The following HHATL variants were observed in gnomAD, a reference collection of about 807,000 sequenced individuals.
The protein encoded by HHATL is protein-cysteine N-palmitoyltransferase HHAT-like protein.
In HHATL, 49 loss-of-function variants were observed where a neutral mutation model predicts 59.7. The ratio of observed to expected loss-of-function variants is 0.82; its 90% CI spans 0.65 to 1.04. The LOEUF (loss-of-function observed/expected upper bound fraction) is 1.04. Among genes scored for constraint, HHATL ranks in the 50% least tolerant of loss-of-function variants. The pLI is 0.00. For synonymous variants in HHATL, 238 were observed against 257.3 expected (o/e 0.93, Z 0.72); for missense variants, 605 against 650.8 (o/e 0.93, Z 0.77).
Position 42,698,875 on chromosome 3 carries a change from C to G in HHATL, c.316G>C (p.Gly106Arg). ...ATTGTGCCCATCACAGCCAAGGCCC[C>G]GTACACAGCATACATCCAGGAGCGG... is the stretch of plus-strand genomic sequence containing the variant. ...KLRSWMYAVY[G>R]ALAVMGTMGP... is the part of the protein sequence containing the mutation. Residue 106 changes from glycine (G) to arginine (R), a missense_variant, in exon 5 of 12, where the codon GGG (glycine) becomes CGG (arginine). Transcript: ENST00000441594. 1.2e-6 allele frequency: 2 copies of G among 1,610,366 alleles called. No homozygotes were observed. The highest frequency in any genetic ancestry group is 2.2e-5 in the South Asian group (2 of 90,428).
Position 42,700,746 on chromosome 3 carries a change from G to T in HHATL, c.81C>A (p.Gly27=). The T allele has an allele frequency of 6.2e-7, 1 of 1,613,612 alleles. No individual in the cohort carries two copies. Among genetic ancestry groups the T allele is most frequent in the Non-Finnish European group, 8.5e-7 (1 of 1,179,686 alleles). ...CTTGTGAAGCCTCAAGGAGGCCCCGGCCAGCATAGGCCAGGGCCCCACTCA... is the reference window on the plus strand; with the variant it reads ...CTTGTGAAGCCTCAAGGAGGCCCCGTCCAGCATAGGCCAGGGCCCCACTCA... ...LVLSGALAYA[G]RGLLEASQDG... The change falls in exon 2 of 12, where the codon GGC becomes GGA. Residue 27 remains glycine (G), a synonymous_variant. Coordinates refer to ENST00000441594, the MANE Select transcript of HHATL (RefSeq NM_020707.4).
rs750726872 is a variant in HHATL, at chr3:42,699,750, G to T, written c.174+8C>A. ...GATGGGAGGGACCCTGGGATGTGGG[G>T]GACCTACCATCTTCCGGCCAATGTA... On this transcript the variant is annotated splice_region_variant and intron_variant, in intron 3 of 11. Coordinates refer to ENST00000441594, the MANE Select transcript of HHATL (RefSeq NM_020707.4). 1.3e-6 allele frequency: 2 copies of T among 1,576,042 alleles called. No homozygotes were observed. Among genetic ancestry groups the T allele is most frequent in the Admixed American group, 1.8e-5 (1 of 55,358 alleles).
At position 42,702,053 on chromosome 3, in the gene HHATL, G is replaced by A. The variant is rs78953142; in HGVS notation, c.-14+526C>T. Among the ~76,000 whole-genome samples, 479 of 152,292 alleles carry A rather than the reference G, an allele frequency of 3.1e-3. 20 individuals are homozygous for A. In the East Asian group the frequency reaches 0.081, roughly 26 times the overall value. On this transcript the variant is annotated intron_variant, in intron 1 of 11. Coordinates refer to ENST00000441594, the MANE Select transcript of HHATL (RefSeq NM_020707.4). ...GCAGACCTGGGACAGACTTCTGCCT[G>A]CCTCCCTTCAGGATTGGGTTTCTCA...
At chr3:42,696,292 C>G (rs1467145569) in intron 9 of HHATL, among the ~76,000 whole-genome samples, 1 of 152,098 alleles carries the variant, frequency 6.6e-6, no homozygotes, top group South Asian at 2.1e-4. Flanking sequence ...CAGGCTGAAT[C>G]TCGGCCATCC....
At chr3:42,698,495 G>A (rs1456368590) in intron 5 of HHATL, 144 bp from the exon 6 acceptor site, 5 of 961,590 alleles carry the variant, frequency 5.2e-6, no homozygotes, top group Non-Finnish European at 7.7e-6. Context: ...TTTGGCCACT[G>A]CTCTATCCCA....
intron 3 of HHATL, 138 bp from the exon 4 acceptor site, chr3:42,699,283 A>G (rs1293949037): frequency 2.3e-6 from 1 of 441,608 alleles, no homozygotes; most frequent in East Asian, 3.6e-5. Flanking sequence ...TCATTTTTAA[A>G]TTTAATAATA....
chr3:42,693,245 G>T (rs1379905207), intron 10 of HHATL, 27 bp from the exon 11 acceptor site: 3 of 1,611,486 alleles, frequency 1.9e-6, no homozygotes, highest in Admixed American at 3.3e-5. Flanking sequence ...AGCATGGGCA[G>T]CGGGACAAGA....
Position 42,692,882 on chromosome 3 carries a change from G to A in HHATL, c.1391-7C>T, listed in dbSNP as rs918113373. The A allele has an allele frequency of 1.9e-6, 3 of 1,613,654 alleles. No individual in the cohort carries two copies. The highest frequency in any genetic ancestry group is 1.7e-5 in the Admixed American group (1 of 59,988). ...AGCGTGGTCTGGGGGAACCCTGTGTGGGGAGGGAGTCATAGATGCTCAGGA... is the reference window on the plus strand; with the variant it reads ...AGCGTGGTCTGGGGGAACCCTGTGTAGGGAGGGAGTCATAGATGCTCAGGA... On this transcript the variant is annotated splice_region_variant and splice_polypyrimidine_tract_variant and intron_variant, in intron 11 of 11. Transcript: ENST00000441594.
rs1445803068 is a variant in HHATL at position 42,698,311 on chromosome 3, A to G, written c.524T>C (p.Leu175Pro). 1 of 1,613,762 alleles carries G rather than the reference A, an allele frequency of 6.2e-7. No homozygotes were observed. Among genetic ancestry groups the G allele is most frequent in the Non-Finnish European group, 8.5e-7 (1 of 1,179,820 alleles). ...TGTGAAGCTGCTGCCCCCATGAAAC[A>G]GCACCTCTTGAAGATCAAAAGTGCC... Reference protein sequence around the residue: ...VTGTFDLQEVLFHGGSSFTVL... With the variant: ...VTGTFDLQEVPFHGGSSFTVL... Residue 175 changes from leucine to proline, a missense_variant, in exon 6 of 12, where the codon CTG becomes CCG. By Grantham distance (98) the Leu-to-Pro change is moderately conservative (BLOSUM62 -3). Transcript: ENST00000441594.
At chr3:42,700,991 G>A (rs978254336) in intron 1 of HHATL, 152 bp from the exon 2 acceptor site, 10 of 603,378 alleles carry the variant, frequency 1.7e-5, no homozygotes, top group African/African-American at 1.1e-4. Flanking sequence ...CTGCCCCTGT[G>A]CCCCCCACAG....
intron 9 of HHATL, among the ~76,000 whole-genome samples, chr3:42,694,538 C>T (rs563729315): frequency 1.0e-3 from 153 of 152,314 alleles, no homozygotes; most frequent in African/African-American, 3.6e-3. Context: ...AATAGCTCCC[C>T]ATTACAATAG....
Position 42,698,822 on chromosome 3 carries a change from A to C in HHATL, c.369T>G (p.Leu123=). The change falls in exon 5 of 12, where the codon CTT becomes CTG. Residue 123 remains leucine, a synonymous_variant. Coordinates refer to ENST00000441594, the MANE Select transcript of HHATL (RefSeq NM_020707.4). ...TMGPWYLLLL[L]GHCVGLYVAS... ...CCACATAGAGGCCCACACAGTGACC[A>C]AGCAGCAGCAGCAGGTACCAAGGGC... 6.2e-7 allele frequency: 1 copy of C among 1,613,886 alleles called. No homozygotes were observed. The highest frequency in any genetic ancestry group is 1.3e-5 in the African/African-American group (1 of 75,066).
chr3:42,702,558 G>C (rs1698053772), intron 1 of HHATL, 21 bp downstream of exon 1: 1 of 152,476 alleles, frequency 6.6e-6, no homozygotes, highest in African/African-American at 2.4e-5. Flanking sequence ...CAGAGTAGCT[G>C]CATCCCCAGC....
rs1454571580 is a variant in HHATL, at chr3:42,699,107, G to T, written c.213C>A (p.Ser71=). The T allele has an allele frequency of 6.2e-7, 1 of 1,614,090 alleles. No individual in the cohort carries two copies. Among genetic ancestry groups the T allele is most frequent in the South Asian group, 1.1e-5 (1 of 91,074 alleles). Reference sequence around the variant, plus strand: ...GGGCAAAGATGATGACGTTGCGAAAGGAGGTGAACCACATCACCCACTCGA... The same window carrying T: ...GGGCAAAGATGATGACGTTGCGAAATGAGGTGAACCACATCACCCACTCGA... ...ADFEWVMWFT[S]FRNVIIFALS... is the part of the protein sequence containing the mutation. Residue 71 remains serine (S), a synonymous_variant, in exon 4 of 12, where the codon TCC becomes TCA. Transcript: ENST00000441594.
At chr3:42,700,923 C>G in intron 1 of HHATL, 84 bp from the exon 2 acceptor site, 1 of 889,340 alleles carries the variant, frequency 1.1e-6, no homozygotes, top group South Asian at 1.5e-5. Context: ...CAGTGGGGAC[C>G]CACTCTGAAG....
chr3:42,698,973 A>G (rs1697793806), intron 4 of HHATL, 59 bp downstream of exon 4: 1 of 1,610,644 alleles, frequency 6.2e-7, no homozygotes, highest in Non-Finnish European at 8.5e-7. Flanking sequence ...GGTTCCCACA[A>G]CCCTTGTGGT....
intron 8 of HHATL, 50 bp downstream of exon 8, chr3:42,696,951 G>A: frequency 1.9e-6 from 3 of 1,613,936 alleles, no homozygotes; most frequent in Non-Finnish European, 2.5e-6. Context: ...GAGGCTAGGG[G>A]AAGGTGTGGT....
chr3:42,693,437 C>G, intron 10 of HHATL, 180 bp downstream of exon 10: 2 of 750,300 alleles, frequency 2.7e-6, no homozygotes, highest in Non-Finnish European at 4.3e-6. Flanking sequence ...TGCTCCATTC[C>G]TCATAGAAGG....
At chr3:42,699,723 G>C (rs778351258) in intron 3 of HHATL, 35 bp downstream of exon 3, 3 of 1,540,992 alleles carry the variant, frequency 1.9e-6, no homozygotes, top group East Asian at 4.8e-5. Flanking sequence ...AGAAGGGTTC[G>C]GGATGGGAGG....
Sources: gnomAD v4.1 joint callset for allele counts (sites outside exome capture counted in the v4.1 genomes callset) on GRCh38, gnomAD v4.1.1 for gene constraint, MANE v1.5 for transcripts, NCBI Gene and HGNC (gene_info 2026-07-23, HGNC 2026-07-21) for gene names.